The following B4GALT5 variants were observed in gnomAD, a reference collection of about 807,000 sequenced individuals.
The protein encoded by B4GALT5 is beta-1,4-galactosyltransferase 5.
Under a neutral mutation model 45.0 loss-of-function variants are expected in B4GALT5, and 11 were observed. The observed-to-expected ratio is 0.24, with a 90% CI of 0.15 to 0.40. The LOEUF (loss-of-function observed/expected upper bound fraction) is 0.40, where lower values mean the gene tolerates loss of function less well. Ranked by LOEUF, B4GALT5 falls within the 10% of genes least tolerant of loss-of-function variation. B4GALT5 has a pLI of 1.00. For synonymous variants in B4GALT5, 185 were observed against 182.9 expected (o/e 1.01, Z -0.09); for missense variants, 337 against 500.2 (o/e 0.67, Z 3.11).
At chr20:49,676,148 T>G (rs942659022) in intron 1 of B4GALT5, among the ~76,000 whole-genome samples, 1 of 151,680 alleles carries the variant, frequency 6.6e-6, no homozygotes, top group Non-Finnish European at 1.5e-5. Context: ...TATTACCAGG[T>G]AAAAAGTGAC....
At chr20:49,712,840 G>A (rs574869458) in intron 1 of B4GALT5, among the ~76,000 whole-genome samples, 1 of 144,708 alleles carries the variant, frequency 6.9e-6, no homozygotes, top group African/African-American at 2.7e-5. Flanking sequence ...CGCGAGGTGG[G>A]GGGGGGGGAG....
chr20:49,674,702 G>A (rs79804428), intron 1 of B4GALT5, among the ~76,000 whole-genome samples: 2 of 145,136 alleles, frequency 1.4e-5, no homozygotes, highest in Non-Finnish European at 1.5e-5. Flanking sequence ...AAAAAAAAAA[G>A]AAGAAGAAGA....
chr20:49,635,447 G>T lies in B4GALT5; in HGVS notation c.*865C>A, dbSNP rs11538050. On this transcript the variant is annotated 3_prime_UTR_variant, in exon 9 of 9. Transcript: ENST00000371711. ...GAAGTCAAGGGCAAGACTCGTGGGG[G>T]GGGGAAGAAAGGGACAGAAGCCAGC... The T allele has an allele frequency of 6.6e-6, 1 of 151,986 alleles. No homozygotes were observed. Among genetic ancestry groups the T allele is most frequent in the Non-Finnish European group, 1.5e-5 (1 of 68,072 alleles). The allele number at this position is 151,986 out of a possible 1,614,324, so 9.4% of individuals were successfully genotyped here.
rs372290586 is a variant in B4GALT5, at chr20:49,642,652, C to T, written c.490-68G>A. The T allele has an allele frequency of 8.2e-5, 91 of 1,109,470 alleles. No homozygotes were observed. In the Middle Eastern group the frequency reaches 1.6e-3, roughly 20 times the overall value. The allele number at this position is 1,109,470 out of a possible 1,614,324, so 68.7% of individuals were successfully genotyped here. A position where few individuals can be genotyped will look rare whatever the true frequency, so the allele number is the denominator to read the frequency against. ...GCTTTCACTCCTTAGCAGGACACCC[C>T]TGATGAATTGCTGACCAACCCATGG... On this transcript the variant is annotated intron_variant, in intron 4 of 8. Coordinates refer to ENST00000371711, the MANE Select transcript of B4GALT5 (RefSeq NM_004776.4).
At chr20:49,653,174 C>G (rs1282141646) in intron 2 of B4GALT5, among the ~76,000 whole-genome samples, 1 of 152,206 alleles carries the variant, frequency 6.6e-6, no homozygotes, top group Non-Finnish European at 1.5e-5. Context: ...ACCAGTTGAT[C>G]AACCCCAATC....
chr20:49,653,333 T>C (rs1489428843), intron 2 of B4GALT5, among the ~76,000 whole-genome samples: 3 of 152,244 alleles, frequency 2.0e-5, no homozygotes, highest in Non-Finnish European at 2.9e-5. Context: ...TCGCCAAAGA[T>C]GTGCCAGTGA....
intron 1 of B4GALT5, among the ~76,000 whole-genome samples, chr20:49,692,722 C>T (rs2085819850): frequency 6.6e-6 from 1 of 152,158 alleles, no homozygotes; most frequent in African/African-American, 2.4e-5. Context: ...CACTGAAAAC[C>T]TGTCACACTG....
At chr20:49,642,697 ATCTTG>A in intron 4 of B4GALT5, 113 bp from the exon 5 acceptor site, 3 of 709,140 alleles carry the variant, frequency 4.2e-6, no homozygotes, top group Non-Finnish European at 7.4e-6. Flanking sequence ...GAGGCTGGCT[ATCTTG>A]TCCTCAGCTT....
intron 1 of B4GALT5, 73 bp downstream of exon 1, chr20:49,713,503 G>A (rs2085929249): frequency 3.4e-6 from 5 of 1,462,852 alleles, no homozygotes; most frequent in East Asian, 5.3e-5. Context: ...GGGCCCCTTA[G>A]GGAGGGGCGG....
intron 1 of B4GALT5, chr20:49,684,757 G>A: frequency 2.2e-6 from 1 of 463,330 alleles, no homozygotes; most frequent in Admixed American, 2.2e-5. Flanking sequence ...AGAGAACAGA[G>A]GTGGCATGCG....
rs745590258 is a variant in B4GALT5 at position 49,656,633 on chromosome 20, G to A, written c.185C>T (p.Ala62Val). Reference sequence around the variant, plus strand: ...CCGAAGCACCTGCTCATAAACCTGAGCACCGATTGTTCTCACGTTGTCCCG... The same window carrying A: ...CCGAAGCACCTGCTCATAAACCTGAACACCGATTGTTCTCACGTTGTCCCG... Reference protein sequence around the residue: ...LIRDNVRTIGAQVYEQVLRSA... With the variant: ...LIRDNVRTIGVQVYEQVLRSA... Residue 62 changes from alanine to valine, a missense_variant, in exon 2 of 9, where the codon GCT becomes GTT. By Grantham distance (64) the Ala-to-Val change is moderately conservative. This residue lies in a region of B4GALT5 where 174 missense variants were observed against 207.4 expected (regional missense o/e 0.84). Coordinates refer to ENST00000371711, the MANE Select transcript of B4GALT5 (RefSeq NM_004776.4). 6.2e-6 allele frequency: 10 copies of A among 1,614,136 alleles called. No homozygotes were observed. Among genetic ancestry groups the A allele is most frequent in the Non-Finnish European group, 7.6e-6 (9 of 1,180,028 alleles).
At chr20:49,652,958 T>G (rs1187203903) in intron 2 of B4GALT5, among the ~76,000 whole-genome samples, 1 of 152,212 alleles carries the variant, frequency 6.6e-6, no homozygotes, top group African/African-American at 2.4e-5. Flanking sequence ...TCAGCAGTGC[T>G]GGGCCCAGAA....
chr20:49,692,678 C>G (rs1260084589), intron 1 of B4GALT5, among the ~76,000 whole-genome samples: 1 of 152,212 alleles, frequency 6.6e-6, no homozygotes, highest in African/African-American at 2.4e-5. Context: ...CTGTAAGATA[C>G]AGGGGTAAGC....
chr20:49,636,107 C>G lies in B4GALT5; in HGVS notation c.*205G>C. ...AGCCAGTGCTGACGAAGGAAGTCCC[C>G]AAGCTCACTCCCTCAGTTCCAGCGG... On this transcript the variant is annotated 3_prime_UTR_variant, in exon 9 of 9. Coordinates refer to ENST00000371711, the MANE Select transcript of B4GALT5 (RefSeq NM_004776.4). 1.6e-6 allele frequency: 1 copy of G among 631,686 alleles called. No homozygotes were observed. The highest frequency in any genetic ancestry group is 2.7e-6 in the Non-Finnish European group (1 of 372,154). 39.1% of individuals were successfully genotyped at this position (631,686 alleles called of 1,614,324 possible).
chr20:49,646,103 G>T (rs2085598032), intron 3 of B4GALT5, among the ~76,000 whole-genome samples: 2 of 152,180 alleles, frequency 1.3e-5, no homozygotes, highest in Admixed American at 1.3e-4. Flanking sequence ...GGAGGCTGAG[G>T]CAAGAGGGTT....
intron 1 of B4GALT5, among the ~76,000 whole-genome samples, chr20:49,686,509 G>A (rs1036901186): frequency 6.6e-6 from 1 of 151,722 alleles, no homozygotes; most frequent in African/African-American, 2.4e-5. Flanking sequence ...ATTCACAGAT[G>A]GCAAGCCAAT....
chr20:49,672,456 C>G (rs2085719935), intron 1 of B4GALT5, among the ~76,000 whole-genome samples: 1 of 152,214 alleles, frequency 6.6e-6, no homozygotes, highest in Admixed American at 6.5e-5. Context: ...TTCCTCTCCT[C>G]CAGATGGCTT....
At chr20:49,662,183 A>C (rs995686206) in intron 1 of B4GALT5, among the ~76,000 whole-genome samples, 1 of 152,118 alleles carries the variant, frequency 6.6e-6, no homozygotes, top group Non-Finnish European at 1.5e-5. Context: ...TGGTAAGCTA[A>C]AAGAGGGTTC....
At chr20:49,663,690 A>AAAAAAAATATATAT (rs1555812124) in intron 1 of B4GALT5, among the ~76,000 whole-genome samples, 1 of 96,962 alleles carries the variant, frequency 1.0e-5, no homozygotes, top group African/African-American at 4.5e-5. Flanking sequence ...AAAAAAAAAA[A>AAAAAAAATATATAT]ATATATACAT....
Sources: allele counts gnomAD v4.1 joint callset (sites outside exome capture counted in the v4.1 genomes callset), GRCh38; gene constraint gnomAD v4.1.1; regional missense constraint gnomAD v4.1.1; transcripts MANE v1.5; gene names NCBI Gene and HGNC (gene_info 2026-07-23, HGNC 2026-07-21).